Variants in PCDHGA6 observed in about 807,000 individuals in gnomAD.
PCDHGA6 encodes the protein protocadherin gamma subfamily A, 6.
In PCDHGA6, 41 loss-of-function variants were observed where a neutral mutation model predicts 60.6. That is an observed-to-expected ratio of 0.68 (90% CI 0.53 to 0.88). The LOEUF (loss-of-function observed/expected upper bound fraction) is 0.88, where lower values mean the gene tolerates loss of function less well. Ranked by LOEUF, PCDHGA6 falls within the 40% of genes least tolerant of loss-of-function variation. The pLI, the probability that PCDHGA6 is intolerant of heterozygous loss-of-function variation, is 0.00. For synonymous variants in PCDHGA6, 594 were observed against 524.4 expected (o/e 1.13, Z -1.81); for missense variants, 1,312 against 1,203.0 (o/e 1.09, Z -1.34).
chr5:141,377,871 C>T (rs1490492398), intron 1 of PCDHGA6: 1 of 152,290 alleles, frequency 6.6e-6, no homozygotes, highest in East Asian at 1.9e-4. Flanking sequence ...AAAGACTTCT[C>T]TTATCAGAGA....
intron 1 of PCDHGA6, among the ~76,000 whole-genome samples, chr5:141,466,360 G>A (rs2099121274): frequency 6.6e-6 from 1 of 152,070 alleles, no homozygotes; most frequent in South Asian, 2.1e-4. Context: ...TAATCTAGAT[G>A]TAATGGTTTT....
chr5:141,486,121 T>G lies in PCDHGA6; in HGVS notation c.2425-8686T>G. The G allele has an allele frequency of 6.2e-7, 1 of 1,614,204 alleles. No homozygotes were observed. Among genetic ancestry groups the G allele is most frequent in the Non-Finnish European group, 8.5e-7 (1 of 1,180,036 alleles). Reference sequence around the variant, plus strand: ...TAGACTTTGAGAGTGAGAATTACTATGAATTTGATGTGCGGGCTCGCGATG... The same window carrying G: ...TAGACTTTGAGAGTGAGAATTACTAGGAATTTGATGTGCGGGCTCGCGATG... On this transcript the variant is annotated intron_variant, in intron 1 of 3. Transcript: ENST00000517434. The surrounding 1 kb of genome is among the most constrained non-coding windows in gnomAD (Gnocchi z 5.0).
intron 1 of PCDHGA6, among the ~76,000 whole-genome samples, chr5:141,381,826 C>CTT (rs770630741): frequency 0.12 from 9,186 of 74,154 alleles, 568 homozygotes; most frequent in African/African-American, 0.16. Context: ...CTTTCTTCTT[C>CTT]TTTTTTTTTT....
chr5:141,450,903 C>T (rs1468232105), intron 1 of PCDHGA6, among the ~76,000 whole-genome samples: 3 of 151,086 alleles, frequency 2.0e-5, no homozygotes, highest in African/African-American at 7.3e-5. Context: ...CGGCTCACTG[C>T]AACCGCTGCC....
In PCDHGA6 at chr5:141,487,406, C is replaced by T; in HGVS notation, c.2425-7401C>T. The T allele has an allele frequency of 6.2e-7, 1 of 1,614,200 alleles. No individual in the cohort carries two copies. The highest frequency in any genetic ancestry group is 8.5e-7 in the Non-Finnish European group (1 of 1,180,044). ...ATCTCGAAGGAGGGAGGGGCTTCCC[C>T]CTTCCAATGGGATCCTCCGAATCCA... On this transcript the variant is annotated intron_variant, in intron 1 of 3. Coordinates refer to ENST00000517434, the MANE Select transcript of PCDHGA6 (RefSeq NM_018919.3). The surrounding 1 kb of genome is among the most constrained non-coding windows in gnomAD (Gnocchi z 5.0).
rs748873655 is a variant in PCDHGA6 at position 141,410,002 on chromosome 5, C to A, written c.2424+33495C>A. The A allele has an allele frequency of 1.1e-5, 18 of 1,613,250 alleles. No individual in the cohort carries two copies. Among genetic ancestry groups the A allele is most frequent in the Middle Eastern group, 1.7e-4 (1 of 6,056 alleles). On this transcript the variant is annotated intron_variant, in intron 1 of 3. Coordinates refer to ENST00000517434, the MANE Select transcript of PCDHGA6 (RefSeq NM_018919.3). ...TAGCGGTGGACGCCGACTCGGGACA[C>A]AACGCCTGGCTGTCCTACCACGTGC...
chr5:141,502,173 T>C (rs1377892969), intron 2 of PCDHGA6, among the ~76,000 whole-genome samples: 2 of 152,178 alleles, frequency 1.3e-5, no homozygotes, highest in African/African-American at 4.8e-5. Flanking sequence ...AGTTGAGGAA[T>C]TTAACATTAA....
intron 1 of PCDHGA6, chr5:141,393,009 A>T: frequency 6.2e-7 from 1 of 1,613,898 alleles, no homozygotes. Flanking sequence ...CGGAGTCCGT[A>T]TCGTCTCCAG....
At chr5:141,421,844 A>C (rs1261967247) in intron 1 of PCDHGA6, 2 of 1,613,740 alleles carry the variant, frequency 1.2e-6, no homozygotes, top group East Asian at 4.5e-5. Context: ...CGAGAGAAAG[A>C]GGCTGCTCAC....
At chr5:141,494,171 G>A (rs72790068) in intron 1 of PCDHGA6, among the ~76,000 whole-genome samples, 9,520 of 152,240 alleles carry the variant, frequency 0.063, 348 homozygotes, top group South Asian at 0.11. Flanking sequence ...TTCTAGGGGT[G>A]AGAAGTGTCC....
At chr5:141,500,012 A>G (rs2099795840) in intron 2 of PCDHGA6, among the ~76,000 whole-genome samples, 1 of 151,622 alleles carries the variant, frequency 6.6e-6, no homozygotes, top group Non-Finnish European at 1.5e-5. Flanking sequence ...TAAGGTCCAC[A>G]TTTTATATTT....
At chr5:141,413,922 A>G (rs769177990) in intron 1 of PCDHGA6, 2 of 1,613,458 alleles carry the variant, frequency 1.2e-6, no homozygotes, top group Non-Finnish European at 1.7e-6. Context: ...TCACCTTGCC[A>G]GAATACCGAG....
intron 3 of PCDHGA6, among the ~76,000 whole-genome samples, chr5:141,508,772 C>T (rs1015277795): frequency 5.3e-5 from 8 of 152,070 alleles, no homozygotes; most frequent in African/African-American, 1.2e-4. Flanking sequence ...TGAGGTCCCC[C>T]CTCTAGCCCC....
At chr5:141,382,895 C>A (rs1554087243) in intron 1 of PCDHGA6, 1 of 1,536,202 alleles carries the variant, frequency 6.5e-7, no homozygotes, top group South Asian at 1.3e-5. Flanking sequence ...AGAAGCAGGA[C>A]GACTATGGCG....
chr5:141,390,053 C>G, intron 1 of PCDHGA6: 1 of 1,614,066 alleles, frequency 6.2e-7, no homozygotes, highest in Non-Finnish European at 8.5e-7. Context: ...CCTCCTGGAG[C>G]TGCTTCCAGC....
intron 1 of PCDHGA6, chr5:141,415,762 T>TGTTTG: frequency 7.1e-7 from 1 of 1,399,990 alleles, no homozygotes; most frequent in Non-Finnish European, 9.3e-7. Flanking sequence ...TTTTTTTTTT[T>TGTTTG]TTTTTTTTTT....
chr5:141,413,431 G>C (rs963192857), intron 1 of PCDHGA6: 1 of 1,614,092 alleles, frequency 6.2e-7, no homozygotes, highest in Non-Finnish European at 8.5e-7. Flanking sequence ...CCCGCGCAGC[G>C]GCAGCTTGAT....
chr5:141,393,481 C>G (rs368525192), intron 1 of PCDHGA6: 11 of 1,613,948 alleles, frequency 6.8e-6, no homozygotes, highest in African/African-American at 5.3e-5. Flanking sequence ...CCGCCTCGCT[C>G]TAGCACAGTG....
chr5:141,483,750 A>G (rs1453478545), intron 1 of PCDHGA6, among the ~76,000 whole-genome samples: 1 of 152,138 alleles, frequency 6.6e-6, no homozygotes, highest in African/African-American at 2.4e-5. Flanking sequence ...ATTCCTGAGG[A>G]TCGAGGCTTG....
Sources: allele counts gnomAD v4.1 joint callset (sites outside exome capture counted in the v4.1 genomes callset), GRCh38; gene constraint gnomAD v4.1.1; non-coding constraint Gnocchi (gnomAD v3.1); transcripts MANE v1.5; gene names NCBI Gene and HGNC (gene_info 2026-07-23, HGNC 2026-07-21).